The following PUDP variants were observed in gnomAD, a reference collection of about 807,000 sequenced individuals.
The protein encoded by PUDP is pseudouridine-5'-phosphatase.
PUDP carries 8 observed loss-of-function variants against 9.4 expected under a neutral mutation model. The ratio of observed to expected loss-of-function variants is 0.85; its 90% confidence interval spans 0.50 to 1.53. The LOEUF (loss-of-function observed/expected upper bound fraction) is 1.53, where lower values mean the gene tolerates loss of function less well. Ranked by LOEUF, PUDP falls within the 40% of genes most tolerant of loss-of-function variation. PUDP has a pLI of 0.00. For synonymous variants in PUDP, 99 were observed against 80.7 expected (o/e 1.23, Z -1.22); for missense variants, 188 against 189.7 (o/e 0.99, Z 0.05).
At chrX:7,121,500 G>A (rs750709726) in intron 1 of PUDP, among the ~76,000 whole-genome samples, 1 of 111,581 alleles carries the variant, frequency 9.0e-6, no homozygotes, top group East Asian at 2.9e-4. Flanking sequence ...CCCACACACT[G>A]CAGGCTAAAA....
At chrX:6,789,046 T>C (rs1215765366) in intron 3 of PUDP, among the ~76,000 whole-genome samples, 1 of 111,395 alleles carries the variant, frequency 9.0e-6, no homozygotes, top group Non-Finnish European at 1.9e-5. Flanking sequence ...TCCCAGCACA[T>C]TGGGAAGCTG....
intron 1 of PUDP, among the ~76,000 whole-genome samples, chrX:6,992,269 CTTT>C (rs750888246): frequency 4.8e-5 from 3 of 62,600 alleles, no homozygotes; most frequent in Admixed American, 2.2e-4. Flanking sequence ...TTCAGGGTGT[CTTT>C]TTTTTTTTTT....
At chrX:6,761,199 A>T (rs1218949418) in intron 3 of PUDP, among the ~76,000 whole-genome samples, 1 of 112,025 alleles carries the variant, frequency 8.9e-6, no homozygotes, top group Admixed American at 9.5e-5. Context: ...CTGTGTAATT[A>T]GCATTATTCC....
intron 1 of PUDP, among the ~76,000 whole-genome samples, chrX:6,710,294 G>C (rs909753096): frequency 8.9e-6 from 1 of 112,186 alleles, no homozygotes; most frequent in Admixed American, 9.5e-5. Flanking sequence ...GCTGCAGCTG[G>C]AAGCAGGTAA....
chrX:7,088,010 T>C (rs1193806103), intron 2 of PUDP, among the ~76,000 whole-genome samples: 2 of 112,099 alleles, frequency 1.8e-5, no homozygotes, highest in African/African-American at 6.5e-5. Context: ...CATAGACTTA[T>C]AGCAGAATTT....
intron 2 of PUDP, 34 bp from the exon 3 acceptor site, chrX:7,077,483 G>A (rs1341187795): frequency 2.7e-6 from 3 of 1,091,042 alleles, no homozygotes; most frequent in Non-Finnish European, 3.8e-6. Context: ...GAGGTGAGGG[G>A]CGAGGCCTCC....
intron 3 of PUDP, among the ~76,000 whole-genome samples, chrX:6,813,754 T>A (rs1378297612): frequency 2.7e-5 from 3 of 111,219 alleles, no homozygotes; most frequent in Non-Finnish European, 5.7e-5. Flanking sequence ...TTGGTTTGGG[T>A]GTAACTTTTG....
At chrX:6,933,721 T>C (rs1295377800) in intron 3 of PUDP, among the ~76,000 whole-genome samples, 67 of 91,054 alleles carry the variant, frequency 7.4e-4, no homozygotes, top group Middle Eastern at 5.4e-3. Flanking sequence ...GGCAAAGAAG[T>C]TGAAAATTTT....
intron 3 of PUDP, among the ~76,000 whole-genome samples, chrX:6,748,623 T>A (rs1478343131): frequency 9.0e-6 from 1 of 111,459 alleles, no homozygotes; most frequent in Non-Finnish European, 1.9e-5. Flanking sequence ...TTAAAAAAAA[T>A]AACGAACACC....
chrX:7,132,762 C>T (rs778021946), intron 1 of PUDP, among the ~76,000 whole-genome samples: 3 of 111,154 alleles, frequency 2.7e-5, no homozygotes, highest in African/African-American at 9.8e-5. Flanking sequence ...GGAGAAAAAC[C>T]TCCAAAAACA....
chrX:7,076,618 G>A (rs1023067699), intron 3 of PUDP, among the ~76,000 whole-genome samples: 5 of 111,788 alleles, frequency 4.5e-5, no homozygotes, highest in East Asian at 5.7e-4. Flanking sequence ...GCCAGGGGCC[G>A]TCTCCACTGC....
At position 6,818,701 on chromosome X, in the gene PUDP, G is replaced by A. The variant is rs184352540; in HGVS notation, c.*248-112235C>T. Among the ~76,000 whole-genome samples the A allele has an allele frequency of 4.5e-3, 498 of 111,762 alleles. 1 individual carries two copies. Among genetic ancestry groups the A allele is most frequent in the African/African-American group, 5.5e-3 (168 of 30,805 alleles). On this transcript the variant is annotated intron_variant and NMD_transcript_variant, in intron 3 of 3. Coordinates refer to the PUDP transcript ENST00000655425. ...AGCTCAGAACACAGCCAGCATTTACGATCAAGTAAATCCAGGCTGGCTTGC... is the reference window on the plus strand; with the variant it reads ...AGCTCAGAACACAGCCAGCATTTACAATCAAGTAAATCCAGGCTGGCTTGC...
intron 3 of PUDP, among the ~76,000 whole-genome samples, chrX:6,815,932 G>A (rs1005063472): frequency 9.5e-6 from 1 of 105,650 alleles, no homozygotes; most frequent in African/African-American, 3.5e-5. Flanking sequence ...ATATATATGG[G>A]GCTTTATATA....
chrX:6,840,709 G>A (rs932387640), intron 3 of PUDP, among the ~76,000 whole-genome samples: 2 of 110,054 alleles, frequency 1.8e-5, no homozygotes, highest in Admixed American at 1.9e-4. Flanking sequence ...CCCATAGAAC[G>A]TACAACATCA....
At chrX:6,794,286 A>C (rs762975065) in intron 3 of PUDP, among the ~76,000 whole-genome samples, 1 of 112,514 alleles carries the variant, frequency 8.9e-6, no homozygotes, top group East Asian at 2.8e-4. Context: ...ACGTTACTGT[A>C]CTGAACACTG....
chrX:6,905,029 C>T (rs1390594288), intron 3 of PUDP, among the ~76,000 whole-genome samples: 1 of 112,121 alleles, frequency 8.9e-6, no homozygotes, highest in Non-Finnish European at 1.9e-5. Context: ...ATAAATCCAA[C>T]CACGGCTCTC....
intron 3 of PUDP, among the ~76,000 whole-genome samples, chrX:6,794,627 G>A (rs1164375185): frequency 1.9e-5 from 2 of 107,236 alleles, no homozygotes; most frequent in African/African-American, 6.8e-5. Context: ...CCGGAGTGCA[G>A]TGGTGCAATC....
intron 3 of PUDP, among the ~76,000 whole-genome samples, chrX:6,751,975 G>C (rs1231245384): frequency 9.0e-6 from 1 of 110,538 alleles, no homozygotes. Flanking sequence ...CAGGAGTCCC[G>C]GTGGGATAAT....
intron 3 of PUDP, among the ~76,000 whole-genome samples, chrX:6,846,288 C>T (rs1295570281): frequency 9.1e-6 from 1 of 109,757 alleles, no homozygotes; most frequent in East Asian, 2.8e-4. Context: ...GCCTATAGTC[C>T]CAGCTACTCG....
Sources: gnomAD v4.1 joint callset for allele counts (sites outside exome capture counted in the v4.1 genomes callset) on GRCh38, gnomAD v4.1.1 for gene constraint, MANE v1.5 for transcripts, NCBI Gene and HGNC (gene_info 2026-07-23, HGNC 2026-07-21) for gene names.